Variants in MLH3 observed in about 807,000 individuals in gnomAD.
MLH3 encodes the protein DNA mismatch repair protein Mlh3.
MLH3 carries 82 observed loss-of-function variants against 122.2 expected under a neutral mutation model. The observed-to-expected ratio is 0.67, with a 90% CI of 0.56 to 0.81. The LOEUF is 0.81. Ranked by LOEUF, MLH3 falls within the 30% of genes least tolerant of loss-of-function variation. The probability of loss-of-function intolerance (pLI) is 0.00; values close to 1 mark genes in which losing one functional copy is unlikely to be tolerated. For missense variants in MLH3, 1,539 were observed against 1,714.5 expected (o/e 0.90, Z 1.81); for synonymous variants, 524 against 599.5 (o/e 0.87, Z 1.84).
chr14:75,042,216 T>G (rs1413465285), intron 3 of MLH3, among the ~76,000 whole-genome samples, 163 bp downstream of exon 3: 1 of 152,372 alleles, frequency 6.6e-6, no homozygotes, highest in South Asian at 2.1e-4. Context: ...CCTAAATGCA[T>G]GCGCTGAATT....
At chr14:75,037,277 A>T (rs1310529313) in intron 6 of MLH3, among the ~76,000 whole-genome samples, 1 of 152,206 alleles carries the variant, frequency 6.6e-6, no homozygotes, top group African/African-American at 2.4e-5. Flanking sequence ...TTTACCAAGA[A>T]GCACTTCCCT....
At chr14:75,039,809 A>G in intron 5 of MLH3, 102 bp downstream of exon 5, 1 of 353,046 alleles carries the variant, frequency 2.8e-6, no homozygotes. Context: ...AAGGTGGTCT[A>G]TATCATTAAA....
At position 75,047,579 on chromosome 14, in the gene MLH3, T is replaced by C. The variant is rs74351956; in HGVS notation, c.2077A>G (p.Met693Val). 1 of 1,614,088 alleles carries C rather than the reference T, an allele frequency of 6.2e-7. No individual in the cohort carries two copies. The highest frequency in any genetic ancestry group is 2.2e-5 in the East Asian group (1 of 44,876). ...LENEPTATYT[M>V]FSAFQEGSKK... The stretch of plus-strand genomic sequence containing the variant: ...CTACCTTCCTGAAAAGCAGAAAACA[T>C]TGTATAAGTTGCTGTAGGTTCATTC... Residue 693 changes from methionine to valine, a missense_variant, in exon 2 of 13, where the codon ATG becomes GTG. Coordinates refer to ENST00000355774, the MANE Select transcript of MLH3 (RefSeq NM_001040108.2).
At chr14:75,032,471 T>C (rs1194812871) in intron 7 of MLH3, among the ~76,000 whole-genome samples, 1 of 152,228 alleles carries the variant, frequency 6.6e-6, no homozygotes, top group African/African-American at 2.4e-5. Context: ...AGGTGAATAA[T>C]GTGGATTACC....
chr14:75,051,223 G>T lies in MLH3; in HGVS notation c.-64+157C>A, dbSNP rs549403407. Among the ~76,000 whole-genome samples, 296 of 152,192 alleles carry T rather than the reference G, an allele frequency of 1.9e-3. 2 individuals carry two copies. The highest frequency in any genetic ancestry group is 6.6e-3 in the African/African-American group (273 of 41,554). ...CCCCTCCCTGGCCAGCCCCGTCCTT[G>T]TCCCCAAACTGGGCCCGCCCGGCCG... On this transcript the variant is annotated intron_variant, in intron 1 of 12. Coordinates refer to ENST00000355774, the MANE Select transcript of MLH3 (RefSeq NM_001040108.2).
Position 75,048,821 on chromosome 14 carries a change from A to G in MLH3, c.835T>C (p.Cys279Arg). 6.2e-7 allele frequency: 1 copy of G among 1,614,186 alleles called. No homozygotes were observed. Among genetic ancestry groups the G allele is most frequent in the Non-Finnish European group, 8.5e-7 (1 of 1,180,018 alleles). ...DFLLRKESII[C>R]KPKNGPTSRQ... ...CTGGTGGGACCATTCTTTGGCTTGC[A>G]TATAATACTTTCTTTCCTTAATAAA... Residue 279 changes from cysteine to arginine, a missense_variant, in exon 2 of 13, where the codon TGC becomes CGC. Transcript: ENST00000355774.
chr14:75,047,516 A>C lies in MLH3; in HGVS notation c.2140T>G (p.Ser714Ala). The change falls in exon 2 of 13, where the codon TCC becomes GCC. Residue 714 changes from serine to alanine, a missense_variant. Coordinates refer to ENST00000355774, the MANE Select transcript of MLH3 (RefSeq NM_001040108.2). ...TGTCTATACCAGGGGAAAGAGGGGG[A>C]TGTATCAGATAATATGCAATCTGTT... ...SQTDCILSDT[S>A]PSFPWYRHVS... is the part of the protein sequence containing the mutation. 2 of 1,613,914 alleles carry C rather than the reference A, an allele frequency of 1.2e-6. No individual in the cohort carries two copies. The highest frequency in any genetic ancestry group is 2.2e-5 in the South Asian group (2 of 91,074).
At chr14:75,037,413 A>G (rs1241567253) in intron 6 of MLH3, among the ~76,000 whole-genome samples, 1 of 152,090 alleles carries the variant, frequency 6.6e-6, no homozygotes, top group Admixed American at 6.6e-5. Context: ...TTGCATATAT[A>G]TCTTTTCTCA....
At chr14:75,024,757 G>A (rs1385343979) in intron 9 of MLH3, among the ~76,000 whole-genome samples, 1 of 152,168 alleles carries the variant, frequency 6.6e-6, no homozygotes, top group Non-Finnish European at 1.5e-5. Context: ...GGATAATCAA[G>A]ATTTTATGAA....
Position 75,018,703 on chromosome 14 carries a change from G to A in MLH3, c.4242+126C>T, listed in dbSNP as rs175052. The A allele has an allele frequency of 1, 1,024,727 of 1,028,594 alleles. 510,515 individuals are homozygous for A. The highest frequency in any genetic ancestry group is 1 in the East Asian group (41,852 of 41,854). 63.7% of individuals were successfully genotyped at this position (1,028,594 alleles called of 1,614,324 possible). ...GGTGAGGCTTTATGTGAAACTTCCA[G>A]TGCAGATTTTGCAAAACTCTCCTAT... On this transcript the variant is annotated intron_variant, in intron 12 of 12. Transcript: ENST00000355774.
At chr14:75,030,341 C>G (rs1377635596) in intron 9 of MLH3, among the ~76,000 whole-genome samples, 1 of 152,176 alleles carries the variant, frequency 6.6e-6, no homozygotes, top group African/African-American at 2.4e-5. Flanking sequence ...CCTCTACTAG[C>G]CAAAGTTCAC....
chr14:75,028,935 G>A (rs888291916), intron 9 of MLH3, among the ~76,000 whole-genome samples: 1 of 151,020 alleles, frequency 6.6e-6, no homozygotes, highest in Admixed American at 6.6e-5. Context: ...GATCATTTGA[G>A]GTCAGGAGTT....
chr14:75,018,002 G>A (rs568350964), intron 12 of MLH3, among the ~76,000 whole-genome samples: 223 of 152,132 alleles, frequency 1.5e-3, no homozygotes, highest in African/African-American at 5.0e-3. Context: ...AGAATTAGCC[G>A]GGCGTGGTGG....
intron 11 of MLH3, 110 bp from the exon 12 acceptor site, chr14:75,019,090 T>A: frequency 9.9e-7 from 1 of 1,006,604 alleles, no homozygotes; most frequent in African/African-American, 1.6e-5. Context: ...CTTAGGCTTC[T>A]TTAATGAAGC....
chr14:75,037,630 A>T (rs966574338), intron 6 of MLH3, among the ~76,000 whole-genome samples: 1 of 152,176 alleles, frequency 6.6e-6, no homozygotes, highest in African/African-American at 2.4e-5. Context: ...AATATTATTA[A>T]AAAGTCAAAC....
At chr14:75,044,809 C>T (rs1192964249) in intron 2 of MLH3, among the ~76,000 whole-genome samples, 1 of 152,168 alleles carries the variant, frequency 6.6e-6, no homozygotes, top group Non-Finnish European at 1.5e-5. Context: ...CTTATAACTA[C>T]ATTTATACAT....
chr14:75,046,021 A>T (rs1892185022), intron 2 of MLH3, among the ~76,000 whole-genome samples: 1 of 152,018 alleles, frequency 6.6e-6, no homozygotes, highest in African/African-American at 2.4e-5. Flanking sequence ...TCTACTGAAA[A>T]TAAAAAAATT....
chr14:75,039,868 TA>T, intron 5 of MLH3, 42 bp downstream of exon 5: 1 of 433,762 alleles, frequency 2.3e-6, no homozygotes, highest in Non-Finnish European at 4.0e-6. Context: ...TATATATATA[TA>T]TATATATATA....
At position 75,016,847 on chromosome 14, in the gene MLH3, C is replaced by G. The variant is rs987199971; in HGVS notation, c.*235G>C. The G allele has an allele frequency of 3.1e-5, 16 of 517,682 alleles. No homozygotes were observed. Among genetic ancestry groups the G allele is most frequent in the African/African-American group, 2.1e-4 (11 of 52,222 alleles). 32.1% of individuals were successfully genotyped at this position (517,682 alleles called of 1,614,324 possible). A position where few individuals can be genotyped will look rare whatever the true frequency, so the allele number is the denominator to read the frequency against. ...AAGGTAGATACTATATAGCAACCTT[C>G]TGTGCCCATGGATGCAAATGAATGA... On this transcript the variant is annotated 3_prime_UTR_variant, in exon 13 of 13. Transcript: ENST00000355774.
Sources: allele counts gnomAD v4.1 joint callset (sites outside exome capture counted in the v4.1 genomes callset), GRCh38; gene constraint gnomAD v4.1.1; transcripts MANE v1.5; gene names NCBI Gene and HGNC (gene_info 2026-07-23, HGNC 2026-07-21).